NOTCH2: variants seen among roughly 807,000 people sequenced by gnomAD.
NOTCH2 encodes notch receptor 2.
A neutral mutation model predicts 235.8 loss-of-function variants in NOTCH2; 29 were observed. That is an observed-to-expected ratio of 0.12 (90% CI 0.09 to 0.17). The LOEUF (loss-of-function observed/expected upper bound fraction) is 0.17, where lower values mean the gene tolerates loss of function less well. NOTCH2 is among the 10% of genes least tolerant of loss of function. The pLI is 1.00. For missense variants in NOTCH2, 2,285 were observed against 3,150.2 expected (o/e 0.73, Z 6.57); for synonymous variants, 1,086 against 1,141.5 (o/e 0.95, Z 0.98).
rs2101142390 is a variant in NOTCH2 at position 119,915,755 on chromosome 1, G to A, written c.6967C>T (p.Gln2323Ter). ...GCTGGAGGGCAGGTGGACTGAGGCT[G>A]GGGAGCCCCCGCTGGTTGGGCAATA... ...GSIAQPAGAP[Q>*]PQSTCPPAVA... Residue 2323 changes from glutamine to a stop codon, truncating the protein, a stop_gained, in exon 34 of 34, where the codon CAG (glutamine) becomes TAG (stop). Coordinates refer to ENST00000256646, the MANE Select transcript of NOTCH2 (RefSeq NM_024408.4). LOFTEE classifies it high-confidence loss of function. 1 of 1,607,962 alleles carries A rather than the reference G, an allele frequency of 6.2e-7. No individual in the cohort carries two copies. The highest frequency in any genetic ancestry group is 8.5e-7 in the Non-Finnish European group (1 of 1,175,790).
At chr1:120,034,338 A>G (rs1337155541) in intron 1 of NOTCH2, among the ~76,000 whole-genome samples, 1 of 130,900 alleles carries the variant, frequency 7.6e-6, no homozygotes, top group Non-Finnish European at 1.6e-5. Flanking sequence ...ACTCCACCAA[A>G]AAAAAAAAAA....
In NOTCH2 at chr1:119,916,620, G is replaced by A. The variant is rs771952114; in HGVS notation, c.6102C>T (p.Ala2034=). 3 of 1,614,168 alleles carry A rather than the reference G, an allele frequency of 1.9e-6. No individual in the cohort carries two copies. Among genetic ancestry groups the A allele is most frequent in the Admixed American group, 1.7e-5 (1 of 60,014 alleles). The part of the protein sequence containing the change: ...EAAKILLDHF[A]NRDITDHMDR... ...CCATATGGTCTGTGATGTCTCGATT[G>A]GCAAAATGGTCTAACAGGATCTTGG... Residue 2034 remains alanine (A), a synonymous_variant, in exon 34 of 34, where the codon GCC becomes GCT. Coordinates refer to ENST00000256646, the MANE Select transcript of NOTCH2 (RefSeq NM_024408.4).
In NOTCH2 at chr1:119,919,170, A is replaced by G. The variant is rs1218917403; in HGVS notation, c.5781+142T>C. ...CCTGCCTCCCTTTTCCCACTTTCCC[A>G]TCTACCAAGCATGACTCTAATACCT... On this transcript the variant is annotated intron_variant, in intron 31 of 33. Coordinates refer to ENST00000256646, the MANE Select transcript of NOTCH2 (RefSeq NM_024408.4). 8 of 946,718 alleles carry G rather than the reference A, an allele frequency of 8.5e-6. 1 individual carries two copies. The highest frequency in any genetic ancestry group is 1.3e-5 in the Non-Finnish European group (8 of 625,084). The allele number at this position is 946,718 out of a possible 1,614,324, so 58.6% of individuals were successfully genotyped here.
At chr1:120,068,944 T>C in intron 1 of NOTCH2, 1 of 847,838 alleles carries the variant, frequency 1.2e-6, no homozygotes, top group Non-Finnish European at 1.7e-6. Context: ...CTGGCATTCC[T>C]TCGCTCAGCC....
At chr1:119,980,014 A>T (rs1003822175) in intron 5 of NOTCH2, among the ~76,000 whole-genome samples, 4 of 152,222 alleles carry the variant, frequency 2.6e-5, no homozygotes, top group African/African-American at 9.6e-5. Flanking sequence ...TCTTCCTAGA[A>T]TGACAAGCAT....
intron 12 of NOTCH2, among the ~76,000 whole-genome samples, chr1:119,956,673 C>T (rs1475777026): frequency 1.3e-5 from 2 of 152,186 alleles, no homozygotes; most frequent in Admixed American, 6.5e-5. Context: ...CAGTTAGCCT[C>T]GGCCCGTAAT....
At chr1:120,029,114 CT>C (rs1183242041) in intron 2 of NOTCH2, among the ~76,000 whole-genome samples, 1 of 147,434 alleles carries the variant, frequency 6.8e-6, no homozygotes, top group Non-Finnish European at 1.5e-5. Context: ...CCTGCTCCCC[CT>C]CAATCTACAC....
chr1:120,008,855 T>C (rs1653074130), intron 2 of NOTCH2, among the ~76,000 whole-genome samples: 1 of 152,234 alleles, frequency 6.6e-6, no homozygotes, highest in South Asian at 2.1e-4. Flanking sequence ...GTTTACATTC[T>C]AATAGCTGAA....
intron 1 of NOTCH2, among the ~76,000 whole-genome samples, chr1:120,031,134 T>C (rs186876095): frequency 6.6e-6 from 1 of 151,254 alleles, no homozygotes; most frequent in African/African-American, 2.4e-5. Flanking sequence ...GCATAAATTG[T>C]GCAAGATCAG....
In NOTCH2 at chr1:119,956,894, G is replaced by A. The variant is rs782187526; in HGVS notation, c.2027-1662C>T. On this transcript the variant is annotated intron_variant, in intron 12 of 33. Transcript: ENST00000256646. ...CCATCAGGAAGGTCCTACCCTCAAG[G>A]AGTTTCCACTGAGCATGAGGAAAGT... is the stretch of plus-strand genomic sequence containing the variant. Among the ~76,000 whole-genome samples the A allele has an allele frequency of 1.2e-4, 18 of 152,286 alleles. 1 individual carries two copies. Among genetic ancestry groups the A allele is most frequent in the Admixed American group, 3.3e-4 (5 of 15,292 alleles).
chr1:120,002,831 A>G (rs1239890257), intron 3 of NOTCH2, among the ~76,000 whole-genome samples: 1 of 147,266 alleles, frequency 6.8e-6, no homozygotes, highest in East Asian at 1.9e-4. Flanking sequence ...TCAGCTGGGG[A>G]CTGGTGTGTT....
chr1:119,921,248 T>A (rs1649275691), intron 29 of NOTCH2, among the ~76,000 whole-genome samples: 1 of 152,212 alleles, frequency 6.6e-6, no homozygotes, highest in African/African-American at 2.4e-5. Flanking sequence ...ATGGCTTTAG[T>A]TTCCTGGGCT....
rs587680564 is a variant in NOTCH2, at chr1:120,005,257, A to G, written c.415+72T>C. On this transcript the variant is annotated intron_variant, in intron 3 of 33. Coordinates refer to ENST00000256646, the MANE Select transcript of NOTCH2 (RefSeq NM_024408.4). The stretch of plus-strand genomic sequence containing the variant: ...GGGGGACATTTAAGAGCCAGACACC[A>G]TGATCTAAAAGATGCTAAATAAAGG... 4.4e-6 allele frequency: 7 copies of G among 1,604,428 alleles called. No individual in the cohort carries two copies. In the South Asian group the frequency reaches 4.4e-5, roughly 10 times the overall value.
intron 17 of NOTCH2, among the ~76,000 whole-genome samples, chr1:119,942,874 T>TTTC (rs1491184709): frequency 4.0e-5 from 3 of 75,400 alleles, no homozygotes; most frequent in African/African-American, 9.0e-5. Context: ...TCCATATGTC[T>TTTC]TTTTTTTTTT....
At chr1:119,994,583 TA>T (rs1652369100) in intron 4 of NOTCH2, 1 of 135,862 alleles carries the variant, frequency 7.4e-6, no homozygotes, top group East Asian at 2.0e-4. Context: ...TATTGATATG[TA>T]ACAAGTACTA....
Position 119,913,211 on chromosome 1 carries a change from A to T in NOTCH2, c.*2095T>A, listed in dbSNP as rs1486387645. Reference sequence around the variant, plus strand: ...GACAGAATGTTGCCACATGGAGAGAATAAAGCAGAGAATGAACAAACTTAA... The same window carrying T: ...GACAGAATGTTGCCACATGGAGAGATTAAAGCAGAGAATGAACAAACTTAA... On this transcript the variant is annotated 3_prime_UTR_variant, in exon 34 of 34. Transcript: ENST00000256646. 3 of 233,250 alleles carry T rather than the reference A, an allele frequency of 1.3e-5. No individual in the cohort carries two copies. Among genetic ancestry groups the T allele is most frequent in the Non-Finnish European group, 2.5e-5 (3 of 118,068 alleles). 14.4% of individuals were successfully genotyped at this position (233,250 alleles called of 1,614,324 possible).
chr1:119,921,897 G>A (rs587713740), intron 28 of NOTCH2, 88 bp from the exon 29 acceptor site: 89 of 1,122,262 alleles, frequency 7.9e-5, no homozygotes, highest in Admixed American at 2.3e-4. Context: ...ACACACTCCC[G>A]TGGCTATATT....
intron 3 of NOTCH2, among the ~76,000 whole-genome samples, chr1:120,000,482 C>T (rs587707381): frequency 3.6e-5 from 5 of 139,138 alleles, no homozygotes; most frequent in South Asian, 2.3e-4. Flanking sequence ...TGCAGTGAAC[C>T]GAGATTGTGC....
At chr1:120,026,971 AG>A (rs1484154140) in intron 2 of NOTCH2, among the ~76,000 whole-genome samples, 1 of 132,460 alleles carries the variant, frequency 7.5e-6, no homozygotes, top group Non-Finnish European at 1.6e-5. Context: ...TTTTTTTTGG[AG>A]ACACAGTCTC....
Sources: allele counts gnomAD v4.1 joint callset (sites outside exome capture counted in the v4.1 genomes callset), GRCh38; gene constraint gnomAD v4.1.1; transcripts MANE v1.5; gene names NCBI Gene and HGNC (gene_info 2026-07-23, HGNC 2026-07-21).